EIF4G3: variants seen among roughly 807,000 people sequenced by gnomAD.
EIF4G3 encodes eukaryotic translation initiation factor 4 gamma 3, also known as eIF-4-gamma 3.
Under a neutral mutation model 186.4 loss-of-function variants are expected in EIF4G3, and 34 were observed. The observed-to-expected ratio is 0.18, with a 90% CI of 0.14 to 0.24. The LOEUF (loss-of-function observed/expected upper bound fraction) is 0.24, where lower values mean the gene tolerates loss of function less well. Ranked by LOEUF, EIF4G3 falls within the 10% of genes least tolerant of loss-of-function variation. EIF4G3 has a pLI of 1.00. For missense variants in EIF4G3, 1,536 were observed against 1,948.5 expected, an observed-to-expected ratio of 0.79 and a Z score of 3.99; for synonymous variants, 673 against 679.5, an observed-to-expected ratio of 0.99 and a Z score of 0.15.
At chr1:21,084,360 T>C (rs2100963132) in intron 3 of EIF4G3, among the ~76,000 whole-genome samples, 1 of 152,124 alleles carries the variant, frequency 6.6e-6, no homozygotes, top group South Asian at 2.1e-4. Context: ...TCTTACATGA[T>C]GGCAGGAGAG....
chr1:20,818,071 C>T (rs1455756840), intron 33 of EIF4G3, among the ~76,000 whole-genome samples: 1 of 152,016 alleles, frequency 6.6e-6, no homozygotes, highest in Non-Finnish European at 1.5e-5. Context: ...AGGTAATAAC[C>T]CCCTATAATT....
chr1:21,084,244 A>G (rs377506430), intron 3 of EIF4G3, among the ~76,000 whole-genome samples: 116 of 152,026 alleles, frequency 7.6e-4, no homozygotes, highest in East Asian at 2.1e-3. Context: ...AAAAAAAAAA[A>G]AAAGAAAGAA....
intron 12 of EIF4G3, among the ~76,000 whole-genome samples, chr1:20,962,823 G>A (rs969641008): frequency 6.6e-6 from 1 of 152,064 alleles, no homozygotes; most frequent in African/African-American, 2.4e-5. Flanking sequence ...ATAGCAACAG[G>A]AGGTGGCTAT....
chr1:21,099,828 G>A (rs750291620), intron 2 of EIF4G3, among the ~76,000 whole-genome samples: 5 of 152,128 alleles, frequency 3.3e-5, no homozygotes, highest in Non-Finnish European at 5.9e-5. Flanking sequence ...AAAAGGTTAA[G>A]CAATAGAGTC....
chr1:21,045,041 G>A (rs144670891), intron 4 of EIF4G3, among the ~76,000 whole-genome samples: 619 of 152,200 alleles, frequency 4.1e-3, no homozygotes, highest in Middle Eastern at 0.014. Context: ...AACTGCTTGA[G>A]TCCAGGGGGT....
At chr1:20,868,738 G>C (rs2078275690) in intron 20 of EIF4G3, among the ~76,000 whole-genome samples, 1 of 152,156 alleles carries the variant, frequency 6.6e-6, no homozygotes, top group Admixed American at 6.5e-5. Context: ...TTCGGGACGG[G>C]TTTCTTTTTC....
In EIF4G3 at chr1:21,133,247, C is replaced by T. The variant is rs899261171; in HGVS notation, c.-272+42928G>A. 9.9e-5 allele frequency among the ~76,000 whole-genome samples: 15 copies of T among 151,706 alleles called. No individual in the cohort carries two copies. In the South Asian group the frequency reaches 1.0e-3, roughly 11 times the overall value. On this transcript the variant is annotated intron_variant, in intron 2 of 36. Transcript: ENST00000602326. The stretch of plus-strand genomic sequence containing the variant: ...AGCCTTCTTTCTTTTTTTTTTGAGA[C>T]GGAGTCTCGCTGTGTCACCCAGGCT...
intron 3 of EIF4G3, among the ~76,000 whole-genome samples, chr1:21,072,922 G>A (rs180819506): frequency 7.9e-5 from 12 of 152,234 alleles, no homozygotes; most frequent in Non-Finnish European, 1.3e-4. Context: ...GGTTTAAATG[G>A]ATTTGTCTCA....
chr1:20,958,359 T>C (rs1202109413), intron 12 of EIF4G3, among the ~76,000 whole-genome samples: 3 of 152,080 alleles, frequency 2.0e-5, no homozygotes, highest in Non-Finnish European at 4.4e-5. Context: ...CCCTTTATGA[T>C]AAAATCCTCA....
intron 13 of EIF4G3, among the ~76,000 whole-genome samples, chr1:20,946,967 T>C (rs991563984): frequency 6.6e-6 from 1 of 152,186 alleles, no homozygotes; most frequent in African/African-American, 2.4e-5. Context: ...GTAGAGACTG[T>C]TGTTTCTGGG....
chr1:20,859,092 C>T (rs2075767181), intron 24 of EIF4G3, among the ~76,000 whole-genome samples: 2 of 152,204 alleles, frequency 1.3e-5, no homozygotes, highest in Admixed American at 1.3e-4. Context: ...TTGATTTTCT[C>T]CGTGCTATCT....
intron 2 of EIF4G3, among the ~76,000 whole-genome samples, chr1:21,136,109 G>A: frequency 6.6e-6 from 1 of 152,132 alleles, no homozygotes; most frequent in Non-Finnish European, 1.5e-5. Context: ...CGTGAACCCG[G>A]GAAGCGGAGC....
At chr1:21,134,505 A>G (rs2097204626) in intron 2 of EIF4G3, among the ~76,000 whole-genome samples, 1 of 152,060 alleles carries the variant, frequency 6.6e-6, no homozygotes, top group African/African-American at 2.4e-5. Flanking sequence ...CCCCATCTCT[A>G]CTAAAACTAC....
intron 2 of EIF4G3, among the ~76,000 whole-genome samples, chr1:21,120,619 CAAAA>C (rs67743322): frequency 2.7e-5 from 2 of 74,184 alleles, no homozygotes; most frequent in Non-Finnish European, 2.8e-5. Flanking sequence ...GACTCCATCT[CAAAA>C]AAAAAAAAAA....
At chr1:20,866,477 C>T (rs1277521284) in intron 20 of EIF4G3, among the ~76,000 whole-genome samples, 1 of 152,106 alleles carries the variant, frequency 6.6e-6, no homozygotes, top group Non-Finnish European at 1.5e-5. Flanking sequence ...TTTTAGACAA[C>T]CAGAGAAAAG....
intron 2 of EIF4G3, among the ~76,000 whole-genome samples, chr1:21,121,796 C>T (rs935648153): frequency 5.9e-5 from 9 of 151,650 alleles, no homozygotes; most frequent in Admixed American, 5.3e-4. Context: ...AAAAACTAAT[C>T]CATCAATCTA....
chr1:20,938,102 T>A (rs927210653), intron 14 of EIF4G3, among the ~76,000 whole-genome samples: 1 of 151,984 alleles, frequency 6.6e-6, no homozygotes, highest in African/African-American at 2.4e-5. Context: ...GTTCAAGCAA[T>A]TCTCCCACCT....
intron 4 of EIF4G3, among the ~76,000 whole-genome samples, chr1:21,031,021 A>C (rs900662102): frequency 5.9e-5 from 9 of 152,116 alleles, no homozygotes; most frequent in African/African-American, 2.2e-4. Context: ...CTCCACCCCT[A>C]CTAAAAATAC....
intron 27 of EIF4G3, among the ~76,000 whole-genome samples, chr1:20,851,792 C>T (rs1214688833): frequency 6.6e-6 from 1 of 151,992 alleles, no homozygotes; most frequent in Non-Finnish European, 1.5e-5. Flanking sequence ...CCGAGCAGGG[C>T]AGATTACTTG....
Sources: gnomAD v4.1 joint callset for allele counts (sites outside exome capture counted in the v4.1 genomes callset) on GRCh38, gnomAD v4.1.1 for gene constraint, MANE v1.5 for transcripts, NCBI Gene and HGNC (gene_info 2026-07-23, HGNC 2026-07-21) for gene names.